Variants in BAZ1A observed in about 807,000 individuals in gnomAD.
BAZ1A encodes bromodomain adjacent to zinc finger domain 1A.
Under a neutral mutation model 185.2 loss-of-function variants are expected in BAZ1A, and 50 were observed. The ratio of observed to expected loss-of-function variants is 0.27; its 90% CI spans 0.22 to 0.34. BAZ1A has a LOEUF of 0.34. BAZ1A is among the 10% of genes least tolerant of loss of function. The pLI is 1.00. For synonymous variants in BAZ1A, 571 were observed against 615.6 expected (o/e 0.93, Z 1.07); for missense variants, 1,356 against 1,839.9 (o/e 0.74, Z 4.81).
intron 3 of BAZ1A, among the ~76,000 whole-genome samples, chr14:34,837,767 G>A (rs144810939): frequency 1.6e-4 from 24 of 152,182 alleles, no homozygotes; most frequent in African/African-American, 2.6e-4. Context: ...AAATAAATAG[G>A]TATTCAATTG....
chr14:34,813,932 A>G (rs1478313121), intron 4 of BAZ1A, among the ~76,000 whole-genome samples: 2 of 151,736 alleles, frequency 1.3e-5, no homozygotes, highest in Non-Finnish European at 1.5e-5. Context: ...AGCCCCAGCT[A>G]CTTAGGAGGC....
At chr14:34,761,719 A>G in intron 24 of BAZ1A, 38 bp downstream of exon 24, 1 of 1,517,578 alleles carries the variant, frequency 6.6e-7, no homozygotes, top group East Asian at 2.3e-5. Flanking sequence ...AAATTATTCA[A>G]TTTTCCTAGG....
intron 25 of BAZ1A, among the ~76,000 whole-genome samples, chr14:34,757,321 C>G (rs369189642): frequency 2.7e-5 from 4 of 146,534 alleles, no homozygotes; most frequent in African/African-American, 1.0e-4. Context: ...GCTGAGATCG[C>G]GCCATTGCAC....
chr14:34,870,233 A>G (rs1404882331), intron 2 of BAZ1A, among the ~76,000 whole-genome samples: 1 of 152,232 alleles, frequency 6.6e-6, no homozygotes, highest in African/African-American at 2.4e-5. Flanking sequence ...TAGACAAAAG[A>G]TAAAATTCAA....
chr14:34,754,446 G>GAAA (rs1886154690), intron 26 of BAZ1A, among the ~76,000 whole-genome samples: 3 of 136,540 alleles, frequency 2.2e-5, no homozygotes, highest in Admixed American at 1.4e-4. Flanking sequence ...AAAAGAAAAA[G>GAAA]AAGAAAGAAA....
At chr14:34,852,692 A>G (rs1393023410) in intron 3 of BAZ1A, among the ~76,000 whole-genome samples, 1 of 152,266 alleles carries the variant, frequency 6.6e-6, no homozygotes, top group Non-Finnish European at 1.5e-5. Flanking sequence ...CATGAATGGC[A>G]ACATTCTATA....
intron 23 of BAZ1A, among the ~76,000 whole-genome samples, chr14:34,762,962 A>C (rs1205981072): frequency 6.6e-6 from 1 of 152,226 alleles, no homozygotes; most frequent in Non-Finnish European, 1.5e-5. Flanking sequence ...ACTTTTCATT[A>C]TCATTGATAC....
At chr14:34,794,144 T>A (rs1048636842) in intron 11 of BAZ1A, among the ~76,000 whole-genome samples, 1 of 150,984 alleles carries the variant, frequency 6.6e-6, no homozygotes, top group Non-Finnish European at 1.5e-5. Context: ...AAAAAAAAAA[T>A]GAGTGGCATT....
At chr14:34,805,690 T>A (rs1408247955) in intron 6 of BAZ1A, among the ~76,000 whole-genome samples, 3 of 152,232 alleles carry the variant, frequency 2.0e-5, no homozygotes, top group Non-Finnish European at 4.4e-5. Flanking sequence ...CTCACATTTT[T>A]AAAAAATTAT....
intron 3 of BAZ1A, among the ~76,000 whole-genome samples, chr14:34,847,863 TTCTC>T (rs987218237): frequency 2.0e-5 from 3 of 152,148 alleles, no homozygotes; most frequent in Non-Finnish European, 2.9e-5. Context: ...TGTGCAAATT[TTCTC>T]TCTCTTTTTT....
In BAZ1A at chr14:34,757,010, C is replaced by G. The variant is rs114985815; in HGVS notation, c.4386+1694G>C. 4.9e-3 allele frequency among the ~76,000 whole-genome samples: 743 copies of G among 152,288 alleles called. 8 individuals are homozygous for G. Among genetic ancestry groups the G allele is most frequent in the African/African-American group, 0.017 (713 of 41,540 alleles). ...TTAATGGTACTCAATTAACTCTATT[C>G]ATATTCATTACATAGAACAAAAACA... On this transcript the variant is annotated intron_variant, in intron 25 of 26. Transcript: ENST00000360310.
intron 4 of BAZ1A, among the ~76,000 whole-genome samples, chr14:34,819,212 T>A (rs1296246232): frequency 6.6e-6 from 1 of 151,392 alleles, no homozygotes; most frequent in African/African-American, 2.4e-5. Context: ...AAAATGAAAT[T>A]CGTGCATAGG....
At chr14:34,860,411 G>C (rs930603276) in intron 3 of BAZ1A, among the ~76,000 whole-genome samples, 1 of 151,682 alleles carries the variant, frequency 6.6e-6, no homozygotes, top group African/African-American at 2.4e-5. Context: ...AGGAGGCTGA[G>C]GTGGGAGGAT....
Position 34,862,162 on chromosome 14 carries a change from A to G in BAZ1A, c.274T>C (p.Leu92=), listed in dbSNP as rs141801996. The part of the protein sequence containing the change: ...PEPLIIPVLY[L]TSLTHRSRLH... Reference sequence around the variant, plus strand: ...CGCGAACGATGGGTAAGGCTGGTCAAGTATAAAACTGGAATAATTAGTGGT... The same window carrying G: ...CGCGAACGATGGGTAAGGCTGGTCAGGTATAAAACTGGAATAATTAGTGGT... Residue 92 remains leucine (L), a synonymous_variant, in exon 3 of 27, where the codon TTG becomes CTG. Coordinates refer to ENST00000360310, the MANE Select transcript of BAZ1A (RefSeq NM_013448.3). 2 of 1,614,102 alleles carry G rather than the reference A, an allele frequency of 1.2e-6. No individual in the cohort carries two copies. Among genetic ancestry groups the G allele is most frequent in the Non-Finnish European group, 1.7e-6 (2 of 1,180,048 alleles).
chr14:34,764,176 C>T (rs915727616), intron 23 of BAZ1A, among the ~76,000 whole-genome samples: 4 of 152,008 alleles, frequency 2.6e-5, no homozygotes, highest in African/African-American at 9.7e-5. Flanking sequence ...TTATCACTCT[C>T]TCTCAGATTC....
intron 24 of BAZ1A, among the ~76,000 whole-genome samples, chr14:34,759,328 C>A (rs1005586107): frequency 6.6e-6 from 1 of 151,660 alleles, no homozygotes; most frequent in Non-Finnish European, 1.5e-5. Context: ...CTATAGGCAC[C>A]CGCCACGGCG....
At chr14:34,851,279 G>A (rs761846885) in intron 3 of BAZ1A, among the ~76,000 whole-genome samples, 6 of 139,220 alleles carry the variant, frequency 4.3e-5, no homozygotes, top group South Asian at 2.3e-4. Flanking sequence ...GTTGTGGTGA[G>A]CTGTGATTAC....
chr14:34,769,837 CA>C (rs1879094362), intron 21 of BAZ1A, among the ~76,000 whole-genome samples: 1 of 152,106 alleles, frequency 6.6e-6, no homozygotes, highest in Non-Finnish European at 1.5e-5. Flanking sequence ...CCCTTGTACA[CA>C]TAACTGGATT....
chr14:34,771,454 C>A (rs930029276), intron 21 of BAZ1A, 57 bp downstream of exon 21: 5 of 1,502,250 alleles, frequency 3.3e-6, no homozygotes, highest in Non-Finnish European at 4.5e-6. Context: ...TAGTTAAAGG[C>A]CAACTCAAAA....
Sources: allele counts gnomAD v4.1 joint callset (sites outside exome capture counted in the v4.1 genomes callset), GRCh38; gene constraint gnomAD v4.1.1; transcripts MANE v1.5; gene names NCBI Gene and HGNC (gene_info 2026-07-23, HGNC 2026-07-21).